The following CMTR1 variants were observed in gnomAD, a reference collection of about 807,000 sequenced individuals.
CMTR1 encodes cap methyltransferase 1.
A neutral mutation model predicts 107.0 loss-of-function variants in CMTR1; 39 were observed. That is an observed-to-expected ratio of 0.36 (90% CI 0.28 to 0.48). The LOEUF (loss-of-function observed/expected upper bound fraction) is 0.48. Ranked by LOEUF, CMTR1 falls within the 20% of genes least tolerant of loss-of-function variation. The pLI is 0.99. For missense variants in CMTR1, 672 were observed against 1,064.9 expected (o/e 0.63, Z 5.14); for synonymous variants, 366 against 379.5 (o/e 0.96, Z 0.41).
chr6:37,435,844 T>C (rs1771517841), intron 2 of CMTR1, 82 bp downstream of exon 2: 2 of 1,419,980 alleles, frequency 1.4e-6, no homozygotes, highest in African/African-American at 3.0e-5. Flanking sequence ...GAGCAGACTA[T>C]AGTCCACTGC....
chr6:37,454,893 C>CAGGCCAGCAGAGACACT (rs1761258316), intron 8 of CMTR1, among the ~76,000 whole-genome samples: 1 of 152,094 alleles, frequency 6.6e-6, no homozygotes, highest in Non-Finnish European at 1.5e-5. Flanking sequence ...GTGTGGTTTT[C>CAGGCCAGCAGAGACACT]AGGCCAGCAG....
chr6:37,467,082 G>A (rs1046453812), intron 13 of CMTR1, among the ~76,000 whole-genome samples: 19 of 152,188 alleles, frequency 1.2e-4, no homozygotes, highest in African/African-American at 3.9e-4. Context: ...CAGGAGGATT[G>A]CTTGAACTCA....
At chr6:37,468,897 T>G (rs1021641314) in intron 13 of CMTR1, among the ~76,000 whole-genome samples, 4 of 149,732 alleles carry the variant, frequency 2.7e-5, no homozygotes, top group African/African-American at 9.9e-5. Flanking sequence ...AATAAATAAA[T>G]AAATAAATAA....
At chr6:37,455,616 G>A (rs1761275651) in intron 8 of CMTR1, among the ~76,000 whole-genome samples, 1 of 152,148 alleles carries the variant, frequency 6.6e-6, no homozygotes, top group African/African-American at 2.4e-5. Context: ...CATTGCAGAA[G>A]ACAACTGAAG....
intron 2 of CMTR1, among the ~76,000 whole-genome samples, chr6:37,441,304 T>C (rs1771669278): frequency 6.6e-6 from 1 of 152,150 alleles, no homozygotes; most frequent in South Asian, 2.1e-4. Flanking sequence ...TTAGAAGGCC[T>C]TTCCCCTCAG....
At chr6:37,447,442 C>T (rs1771820990) in intron 4 of CMTR1, among the ~76,000 whole-genome samples, 1 of 152,208 alleles carries the variant, frequency 6.6e-6, no homozygotes, top group Non-Finnish European at 1.5e-5. Context: ...CTGCTGGTTG[C>T]TGGTTGTGGG....
At chr6:37,451,745 A>T in intron 5 of CMTR1, 61 bp from the exon 6 acceptor site, 1 of 1,286,822 alleles carries the variant, frequency 7.8e-7, no homozygotes, top group Non-Finnish European at 1.1e-6. Context: ...TAATTTCTTC[A>T]TTCATCCCCG....
At chr6:37,428,008 C>CAGAGAGAGAGAGAGAGAGAGAGAG in the CMTR1 span, among the ~76,000 whole-genome samples, 3 of 114,860 alleles carry the variant, frequency 2.6e-5, no homozygotes, top group Non-Finnish European at 3.6e-5. Flanking sequence ...GCAACAGAGA[C>CAGAGAGAGAGAGAGAGAGAGAGAG]AGAGAGAGAG....
intron 2 of CMTR1, among the ~76,000 whole-genome samples, chr6:37,437,255 G>A (rs1334986318): frequency 8.6e-5 from 13 of 150,936 alleles, no homozygotes; most frequent in African/African-American, 2.9e-4. Context: ...GGCCAGGCGC[G>A]GTGGCTCACA....
At chr6:37,444,667 A>G (rs928011019) in intron 3 of CMTR1, among the ~76,000 whole-genome samples, 1 of 152,214 alleles carries the variant, frequency 6.6e-6, no homozygotes, top group Non-Finnish European at 1.5e-5. Context: ...AGACCTGCTC[A>G]TATTCCTTAG....
intron 2 of CMTR1, among the ~76,000 whole-genome samples, chr6:37,440,242 C>G (rs1392308384): frequency 1.3e-5 from 2 of 152,168 alleles, no homozygotes; most frequent in Non-Finnish European, 2.9e-5. Flanking sequence ...CCTTATTACT[C>G]CTATTTACAA....
intron 1 of CMTR1, among the ~76,000 whole-genome samples, chr6:37,434,397 G>A (rs1014246006): frequency 6.6e-6 from 1 of 152,094 alleles, no homozygotes; most frequent in African/African-American, 2.4e-5. Context: ...TTCCCAGCTT[G>A]TCGCCCACCC....
chr6:37,452,530 G>T (rs542796753), intron 6 of CMTR1, among the ~76,000 whole-genome samples: 1 of 152,320 alleles, frequency 6.6e-6, no homozygotes, highest in African/African-American at 2.4e-5. Context: ...TCCATAAGGT[G>T]ACTGGAGCTC....
intron 1 of CMTR1, among the ~76,000 whole-genome samples, chr6:37,434,783 G>GT (rs981610901): frequency 5.5e-4 from 83 of 151,878 alleles, no homozygotes; most frequent in South Asian, 1.5e-3. Flanking sequence ...TAATTTTTGT[G>GT]TTTTTTTTAC....
chr6:37,478,545 G>C (rs762547199), intron 22 of CMTR1, 24 bp downstream of exon 22: 1 of 1,572,446 alleles, frequency 6.4e-7, no homozygotes, highest in African/African-American at 1.3e-5. Flanking sequence ...GACTGTTCCC[G>C]CCATCCCCTC....
chr6:37,471,509 C>T (rs1315255532), intron 14 of CMTR1, among the ~76,000 whole-genome samples: 2 of 152,066 alleles, frequency 1.3e-5, no homozygotes, highest in Admixed American at 6.5e-5. Context: ...TTTAGTGTGG[C>T]CTGTGTCAGC....
At chr6:37,432,000 T>C (rs562279322), upstream of CMTR1, among the ~76,000 whole-genome samples, 11 of 152,192 alleles carry the variant, frequency 7.2e-5, no homozygotes, top group Non-Finnish European at 1.0e-4. Context: ...GTATCTTCAG[T>C]AGAGACGGGA....
intron 7 of CMTR1, 37 bp from the exon 8 acceptor site, chr6:37,453,203 A>G (rs372757536): frequency 3.2e-5 from 52 of 1,611,996 alleles, no homozygotes; most frequent in Non-Finnish European, 4.4e-5. Context: ...AATTGAGCCT[A>G]GTACATCTAG....
intron 13 of CMTR1, among the ~76,000 whole-genome samples, chr6:37,469,455 G>GGATT (rs1248402487): frequency 6.6e-6 from 1 of 150,558 alleles, no homozygotes; most frequent in Non-Finnish European, 1.5e-5. Flanking sequence ...TTGGATCTGT[G>GGATT]GATTGATTTC....
Sources: gnomAD v4.1 joint callset for allele counts (sites outside exome capture counted in the v4.1 genomes callset) on GRCh38, gnomAD v4.1.1 for gene constraint, MANE v1.5 for transcripts, NCBI Gene and HGNC (gene_info 2026-07-23, HGNC 2026-07-21) for gene names.